WASHC3: variants seen among roughly 807,000 people sequenced by gnomAD.
WASHC3 encodes WASH complex subunit 3, also known as WASH complex subunit CCDC53.
A neutral mutation model predicts 26.1 loss-of-function variants in WASHC3; 24 were observed. That is an observed-to-expected ratio of 0.92 (90% confidence interval 0.66 to 1.29). The LOEUF (loss-of-function observed/expected upper bound fraction) is 1.29. Ranked by LOEUF, WASHC3 falls within the 50% of genes most tolerant of loss-of-function variation. The pLI, the probability that WASHC3 is intolerant of heterozygous loss-of-function variation, is 0.00. For synonymous variants in WASHC3, 77 were observed against 75.7 expected (o/e 1.02, Z -0.09); for missense variants, 214 against 229.6 (o/e 0.93, Z 0.44).
At chr12:102,015,724 T>C (rs988928896) in intron 6 of WASHC3, among the ~76,000 whole-genome samples, 4 of 152,282 alleles carry the variant, frequency 2.6e-5, no homozygotes, top group Admixed American at 2.0e-4. Context: ...GCTAAAATTT[T>C]TGTGAGGGAG....
At chr12:102,030,878 G>C (rs1302315062) in intron 5 of WASHC3, among the ~76,000 whole-genome samples, 1 of 152,148 alleles carries the variant, frequency 6.6e-6, no homozygotes, top group Non-Finnish European at 1.5e-5. Flanking sequence ...GAAAAAGCAA[G>C]AAATTTAAAA....
rs1433584225 is a variant in WASHC3 at position 102,046,050 on chromosome 12, C to A, written c.216+4G>T. ...TATACTACAAATTATTGAGAAATAC[C>A]AACCTTTGCATCTAAAATATTGAGA... On this transcript the variant is annotated splice_donor_region_variant and intron_variant, in intron 3 of 6. Coordinates refer to ENST00000240079, the MANE Select transcript of WASHC3 (RefSeq NM_016053.4). The A allele has an allele frequency of 1.2e-5, 18 of 1,548,864 alleles. No homozygotes were observed. The highest frequency in any genetic ancestry group is 2.7e-5 in the African/African-American group (2 of 73,628).
Position 102,020,283 on chromosome 12 carries a change from T to C in WASHC3, c.500+5691A>G, listed in dbSNP as rs933192893. Reference sequence around the variant, plus strand: ...GTTTATTACACCAAGGAAGTAAAGGTAGAATGAGGTGGGGAGAGGAGAATG... The same window carrying C: ...GTTTATTACACCAAGGAAGTAAAGGCAGAATGAGGTGGGGAGAGGAGAATG... On this transcript the variant is annotated intron_variant, in intron 6 of 6. Coordinates refer to ENST00000240079, the MANE Select transcript of WASHC3 (RefSeq NM_016053.4). Among the ~76,000 whole-genome samples, 3 of 151,998 alleles carry C rather than the reference T, an allele frequency of 2.0e-5. No individual in the cohort carries two copies. The East Asian group carries it at 5.8e-4, about 29-fold the overall frequency.
intron 5 of WASHC3, among the ~76,000 whole-genome samples, chr12:102,027,767 T>A (rs996389849): frequency 1.3e-5 from 2 of 152,150 alleles, no homozygotes; most frequent in African/African-American, 4.8e-5. Context: ...TAGAAGACTC[T>A]CATGAGAGGT....
chr12:102,026,860 G>A (rs1877214804), intron 5 of WASHC3, among the ~76,000 whole-genome samples: 1 of 152,178 alleles, frequency 6.6e-6, no homozygotes, highest in African/African-American at 2.4e-5. Context: ...TTCAATTTGA[G>A]GGCCTTGATT....
intron 6 of WASHC3, among the ~76,000 whole-genome samples, chr12:102,023,046 G>A (rs1341735012): frequency 6.6e-6 from 1 of 151,166 alleles, no homozygotes; most frequent in Non-Finnish European, 1.5e-5. Context: ...TCAAAAACTT[G>A]AATTTTTAAA....
At chr12:102,043,772 T>C (rs1878041450) in intron 4 of WASHC3, 1 of 153,800 alleles carries the variant, frequency 6.5e-6, no homozygotes, top group Non-Finnish European at 1.4e-5. Flanking sequence ...TTTGTGTATG[T>C]TTAAAAATTT....
chr12:102,060,947 C>T (rs1368962702), intron 2 of WASHC3, among the ~76,000 whole-genome samples: 2 of 121,284 alleles, frequency 1.6e-5, no homozygotes, highest in Non-Finnish European at 3.2e-5. Context: ...AGAGTGAGAC[C>T]CTGTCTCACA....
chr12:102,022,168 A>G (rs1876988047), intron 6 of WASHC3, among the ~76,000 whole-genome samples: 1 of 152,188 alleles, frequency 6.6e-6, no homozygotes, highest in Admixed American at 6.6e-5. Flanking sequence ...CTTTACAGGA[A>G]AGTTAACAAT....
At chr12:102,042,363 A>T (rs1877972454) in intron 4 of WASHC3, among the ~76,000 whole-genome samples, 1 of 152,212 alleles carries the variant, frequency 6.6e-6, no homozygotes, top group Non-Finnish European at 1.5e-5. Context: ...TATTCTAAAT[A>T]TATGGCTCTT....
intron 5 of WASHC3, among the ~76,000 whole-genome samples, chr12:102,030,005 C>T (rs568051657): frequency 1.1e-4 from 17 of 152,144 alleles, no homozygotes; most frequent in South Asian, 8.3e-4. Context: ...TTAAAAAATA[C>T]TTTACTGAGG....
intron 6 of WASHC3, among the ~76,000 whole-genome samples, chr12:102,022,965 C>A (rs1877018060): frequency 6.6e-6 from 1 of 151,802 alleles, no homozygotes; most frequent in Admixed American, 6.6e-5. Context: ...ATCTTTTTAT[C>A]TCGGTGGTAC....
At chr12:102,019,499 G>A (rs1876859508) in intron 6 of WASHC3, 1 of 214,584 alleles carries the variant, frequency 4.7e-6, no homozygotes, top group African/African-American at 2.4e-5. Context: ...TGGAAATTAG[G>A]ACTTTATAAT....
chr12:102,053,753 T>C (rs1338780810), intron 2 of WASHC3, among the ~76,000 whole-genome samples: 1 of 151,748 alleles, frequency 6.6e-6, no homozygotes, highest in Admixed American at 6.6e-5. Context: ...ATTTAAAAAA[T>C]CAAACAGAAA....
chr12:102,028,386 GA>G (rs1226341505), intron 5 of WASHC3, among the ~76,000 whole-genome samples: 1 of 152,000 alleles, frequency 6.6e-6, no homozygotes, highest in Non-Finnish European at 1.5e-5. Context: ...TGAGTGCCAG[GA>G]AAAAAGAGAA....
At chr12:102,037,018 A>C (rs12309431) in intron 5 of WASHC3, among the ~76,000 whole-genome samples, 4,895 of 152,296 alleles carry the variant, frequency 0.032, 255 homozygotes, top group African/African-American at 0.11. Flanking sequence ...AAATATTTTT[A>C]AGCAATTCTT....
chr12:102,023,320 C>G (rs1211980819), intron 6 of WASHC3, among the ~76,000 whole-genome samples: 1 of 152,100 alleles, frequency 6.6e-6, no homozygotes, highest in East Asian at 1.9e-4. Context: ...TTGCCCTTTG[C>G]TCAGTGCAGA....
At chr12:102,052,008 A>G (rs1193488985) in intron 2 of WASHC3, among the ~76,000 whole-genome samples, 3 of 152,202 alleles carry the variant, frequency 2.0e-5, no homozygotes. Flanking sequence ...CATAAAGGAG[A>G]AAAAGGTGGG....
At chr12:102,020,429 C>G (rs1057411598) in intron 6 of WASHC3, among the ~76,000 whole-genome samples, 5 of 152,040 alleles carry the variant, frequency 3.3e-5, no homozygotes, top group Non-Finnish European at 7.4e-5. Flanking sequence ...TTCTGCCATC[C>G]TAAATATGAA....
Sources: allele counts gnomAD v4.1 joint callset (sites outside exome capture counted in the v4.1 genomes callset), GRCh38; gene constraint gnomAD v4.1.1; transcripts MANE v1.5; gene names NCBI Gene and HGNC (gene_info 2026-07-23, HGNC 2026-07-21).